Variants in DSCAM observed in about 807,000 individuals in gnomAD.
The protein encoded by DSCAM is DS cell adhesion molecule.
In DSCAM, 47 loss-of-function variants were observed where a neutral mutation model predicts 217.7. The ratio of observed to expected loss-of-function variants is 0.22; its 90% CI spans 0.17 to 0.28. The LOEUF is 0.28. Ranked by LOEUF, DSCAM falls within the 10% of genes least tolerant of loss-of-function variation. The probability of loss-of-function intolerance (pLI) is 1.00; values close to 1 mark genes in which losing one functional copy is unlikely to be tolerated. For missense variants in DSCAM, 2,080 were observed against 2,618.3 expected (o/e 0.79, Z 4.49); for synonymous variants, 1,056 against 1,015.3 (o/e 1.04, Z -0.76).
At chr21:40,540,194 A>C (rs749684584) in intron 3 of DSCAM, among the ~76,000 whole-genome samples, 3 of 152,080 alleles carry the variant, frequency 2.0e-5, no homozygotes, top group Non-Finnish European at 4.4e-5. Context: ...TCGCACACAC[A>C]ACCCAAAAGC....
chr21:40,102,362 C>A (rs1052221200), intron 20 of DSCAM, among the ~76,000 whole-genome samples: 1 of 152,156 alleles, frequency 6.6e-6, no homozygotes, highest in Non-Finnish European at 1.5e-5. Flanking sequence ...TCTTGTGACA[C>A]CCAAGCCAGA....
In DSCAM at chr21:40,013,289, G is replaced by A; in HGVS notation, c.5784C>T (p.Cys1928=). The A allele has an allele frequency of 6.2e-7, 1 of 1,613,364 alleles. No homozygotes were observed. The highest frequency in any genetic ancestry group is 8.5e-7 in the Non-Finnish European group (1 of 1,179,736). ...TSRDLSLGQA[C]LEPQKSRTLK... ...GGGTCCGGCTTTTCTGAGGTTCCAA[G>A]CATGCTTGTCCTAAGCTCAGGTCCC... Residue 1928 remains cysteine, a synonymous_variant, in exon 33 of 33, where the codon TGC becomes TGT. Transcript: ENST00000400454.
chr21:40,350,685 A>G (rs914741660), intron 5 of DSCAM, among the ~76,000 whole-genome samples: 19 of 152,030 alleles, frequency 1.2e-4, no homozygotes, highest in African/African-American at 4.6e-4. Flanking sequence ...TCAAGGGTGC[A>G]TAGAACTGAG....
At chr21:40,457,141 T>C (rs1260239597) in intron 3 of DSCAM, among the ~76,000 whole-genome samples, 1 of 152,168 alleles carries the variant, frequency 6.6e-6, no homozygotes, top group African/African-American at 2.4e-5. Flanking sequence ...ACCAAGTTAA[T>C]TTGGGGAGTG....
At chr21:40,499,543 G>A (rs2076155329) in intron 3 of DSCAM, among the ~76,000 whole-genome samples, 1 of 152,152 alleles carries the variant, frequency 6.6e-6, no homozygotes, top group South Asian at 2.1e-4. Flanking sequence ...TTACTATGTG[G>A]GACAAACTAT....
At chr21:40,509,704 C>A (rs1481141188) in intron 3 of DSCAM, among the ~76,000 whole-genome samples, 1 of 152,200 alleles carries the variant, frequency 6.6e-6, no homozygotes, top group Admixed American at 6.5e-5. Context: ...CATTAAAAAA[C>A]AGGAACGAGG....
At chr21:40,693,578 C>T (rs935981296) in intron 2 of DSCAM, among the ~76,000 whole-genome samples, 1 of 151,226 alleles carries the variant, frequency 6.6e-6, no homozygotes, top group African/African-American at 2.5e-5. Flanking sequence ...CCTCTAAGGG[C>T]CGAGGAAGAT....
At chr21:40,821,599 T>C (rs985036587) in intron 1 of DSCAM, among the ~76,000 whole-genome samples, 2 of 152,182 alleles carry the variant, frequency 1.3e-5, no homozygotes, top group Non-Finnish European at 2.9e-5. Flanking sequence ...TCCATGTCCC[T>C]GAAAAGGATA....
At chr21:40,143,674 C>G (rs1375303226) in intron 17 of DSCAM, among the ~76,000 whole-genome samples, 1 of 152,116 alleles carries the variant, frequency 6.6e-6, no homozygotes, top group Non-Finnish European at 1.5e-5. Flanking sequence ...GCCTGCAGTC[C>G]CAGCTACTCG....
At chr21:40,672,572 G>A (rs1418617761) in intron 3 of DSCAM, among the ~76,000 whole-genome samples, 1 of 152,128 alleles carries the variant, frequency 6.6e-6, no homozygotes, top group Admixed American at 6.5e-5. Flanking sequence ...GTATATTCAA[G>A]GAAGGCTTCA....
intron 3 of DSCAM, among the ~76,000 whole-genome samples, chr21:40,407,714 G>C (rs2075290556): frequency 6.6e-6 from 1 of 152,210 alleles, no homozygotes; most frequent in East Asian, 1.9e-4. Context: ...TGAGGTTCTA[G>C]ACAGGTGGGA....
chr21:40,344,496 T>C (rs1022375504), intron 6 of DSCAM, among the ~76,000 whole-genome samples: 1 of 152,216 alleles, frequency 6.6e-6, no homozygotes, highest in Admixed American at 6.5e-5. Context: ...TCCTTAATTT[T>C]TAAAGCCTGT....
chr21:40,343,499 G>A (rs1442017248), intron 6 of DSCAM, among the ~76,000 whole-genome samples: 1 of 152,166 alleles, frequency 6.6e-6, no homozygotes, highest in Non-Finnish European at 1.5e-5. Flanking sequence ...CTGAATGGAT[G>A]CAAGTTTCAT....
chr21:40,194,426 G>A (rs558930085), intron 11 of DSCAM, among the ~76,000 whole-genome samples: 49 of 152,052 alleles, frequency 3.2e-4, no homozygotes, highest in Admixed American at 5.9e-4. Flanking sequence ...CCCTTTTTGC[G>A]AGGATTTCTG....
chr21:40,584,778 T>C (rs1031170517), intron 3 of DSCAM, among the ~76,000 whole-genome samples: 6 of 152,136 alleles, frequency 3.9e-5, no homozygotes, highest in African/African-American at 1.4e-4. Context: ...TCCATCTTGG[T>C]GATTCTGATG....
At chr21:40,682,597 A>AAGAGAGAG in intron 3 of DSCAM, among the ~76,000 whole-genome samples, 2 of 118,492 alleles carry the variant, frequency 1.7e-5, no homozygotes, top group African/African-American at 7.6e-5. Flanking sequence ...GAGAGAGAGA[A>AAGAGAGAG]AGAGAGAAAG....
At chr21:40,453,676 A>G (rs905676923) in intron 3 of DSCAM, among the ~76,000 whole-genome samples, 1 of 152,246 alleles carries the variant, frequency 6.6e-6, no homozygotes, top group African/African-American at 2.4e-5. Context: ...GTAGAACATC[A>G]AAGTGCTACA....
At chr21:40,190,996 C>T (rs1421647058) in intron 11 of DSCAM, among the ~76,000 whole-genome samples, 1 of 152,098 alleles carries the variant, frequency 6.6e-6, no homozygotes, top group African/African-American at 2.4e-5. Context: ...TTTTTATTTG[C>T]TTTTTATCTC....
intron 20 of DSCAM, among the ~76,000 whole-genome samples, chr21:40,107,963 C>G (rs1295889604): frequency 1.3e-5 from 2 of 152,090 alleles, no homozygotes; most frequent in African/African-American, 2.4e-5. Flanking sequence ...ATCCAACATC[C>G]ATTCATGTTA....
Sources: allele counts gnomAD v4.1 joint callset (sites outside exome capture counted in the v4.1 genomes callset), GRCh38; gene constraint gnomAD v4.1.1; transcripts MANE v1.5; gene names NCBI Gene and HGNC (gene_info 2026-07-23, HGNC 2026-07-21).